The following CTNNA2 variants were observed in gnomAD, a reference collection of about 807,000 sequenced individuals.
CTNNA2 encodes the protein catenin alpha-2.
CTNNA2 carries 42 observed loss-of-function variants against 101.0 expected under a neutral mutation model. The ratio of observed to expected loss-of-function variants is 0.42; its 90% confidence interval spans 0.32 to 0.54. The LOEUF is 0.54. CTNNA2 is among the 20% of genes least tolerant of loss of function. The pLI, the probability that CTNNA2 is intolerant of heterozygous loss-of-function variation, is 0.14. For synonymous variants in CTNNA2, 450 were observed against 456.4 expected (o/e 0.99, Z 0.18); for missense variants, 871 against 1,223.1 (o/e 0.71, Z 4.29).
chr2:79,953,771 A>G (rs1247716178), intron 7 of CTNNA2, among the ~76,000 whole-genome samples: 1 of 152,148 alleles, frequency 6.6e-6, no homozygotes, highest in Non-Finnish European at 1.5e-5. Context: ...ATTTGGTAAC[A>G]TTGCTGGATA....
intron 1 of CTNNA2, among the ~76,000 whole-genome samples, chr2:79,566,097 A>C (rs1675096903): frequency 6.6e-6 from 1 of 152,098 alleles, no homozygotes; most frequent in African/African-American, 2.4e-5. Flanking sequence ...AATACAGAAG[A>C]AGCAAGCAGG....
At chr2:80,100,758 G>A (rs978851210) in intron 7 of CTNNA2, among the ~76,000 whole-genome samples, 2 of 152,172 alleles carry the variant, frequency 1.3e-5, no homozygotes, top group African/African-American at 2.4e-5. Context: ...TGAATCTCTT[G>A]TATCAAGTGG....
At chr2:80,094,187 G>A (rs560444585) in intron 7 of CTNNA2, among the ~76,000 whole-genome samples, 213 of 152,210 alleles carry the variant, frequency 1.4e-3, no homozygotes, top group Non-Finnish European at 2.5e-3. Flanking sequence ...TTTGTATAAG[G>A]TATAAGGAAG....
intron 8 of CTNNA2, among the ~76,000 whole-genome samples, chr2:80,396,426 G>C (rs1186153860): frequency 6.6e-6 from 1 of 152,160 alleles, no homozygotes; most frequent in South Asian, 2.1e-4. Context: ...AGCAGGCCCT[G>C]TGTCTGAGCT....
At chr2:80,441,096 A>T (rs72914947) in intron 9 of CTNNA2, among the ~76,000 whole-genome samples, 3,098 of 152,306 alleles carry the variant, frequency 0.02, 122 homozygotes, top group African/African-American at 0.07. Context: ...ACATCCATGG[A>T]CTAAAGAAAG....
intron 2 of CTNNA2, among the ~76,000 whole-genome samples, chr2:79,743,246 T>A (rs1671419028): frequency 6.6e-6 from 1 of 152,168 alleles, no homozygotes; most frequent in South Asian, 2.1e-4. Flanking sequence ...TTGCATTCAT[T>A]TCCCCTCCAA....
chr2:79,590,412 C>T (rs1322452878), intron 1 of CTNNA2, among the ~76,000 whole-genome samples: 1 of 152,018 alleles, frequency 6.6e-6, no homozygotes, highest in African/African-American at 2.4e-5. Flanking sequence ...TATAGAATAT[C>T]TTCAGATAGT....
At chr2:80,197,881 G>T (rs1485013507) in intron 7 of CTNNA2, among the ~76,000 whole-genome samples, 1 of 152,138 alleles carries the variant, frequency 6.6e-6, no homozygotes, top group Non-Finnish European at 1.5e-5. Flanking sequence ...TTGAGTGGTA[G>T]CTACTACCTA....
At chr2:80,011,301 T>G (rs1029030621) in intron 7 of CTNNA2, among the ~76,000 whole-genome samples, 2 of 152,220 alleles carry the variant, frequency 1.3e-5, no homozygotes, top group Non-Finnish European at 2.9e-5. Context: ...TATGTTATTC[T>G]TTTTCAAGCC....
At chr2:79,214,837 G>A (rs529742361) in intron 2 of CTNNA2, among the ~76,000 whole-genome samples, 30 of 152,038 alleles carry the variant, frequency 2.0e-4, no homozygotes, top group Non-Finnish European at 3.5e-4. Context: ...GTGCATAAAA[G>A]TATTGTCTAA....
chr2:80,269,095 T>C (rs963129523), intron 7 of CTNNA2, among the ~76,000 whole-genome samples: 1 of 152,244 alleles, frequency 6.6e-6, no homozygotes, highest in Non-Finnish European at 1.5e-5. Flanking sequence ...TATCATCCCA[T>C]TTGTTGTGTT....
intron 3 of CTNNA2, among the ~76,000 whole-genome samples, chr2:79,750,584 C>G (rs12998564): frequency 1.4e-4 from 22 of 152,138 alleles, no homozygotes; most frequent in Non-Finnish European, 2.4e-4. Flanking sequence ...AGGTAAGGGC[C>G]GGGCGTGGCG....
intron 9 of CTNNA2, among the ~76,000 whole-genome samples, chr2:80,535,406 TTTGTC>T (rs1293591021): frequency 4.6e-5 from 7 of 152,186 alleles, no homozygotes; most frequent in African/African-American, 1.7e-4. Context: ...GGCGGTAACA[TTTGTC>T]AAGTCATTAC....
intron 3 of CTNNA2, among the ~76,000 whole-genome samples, chr2:79,780,566 TACA>T (rs1674345897): frequency 6.6e-6 from 1 of 152,166 alleles, no homozygotes; most frequent in African/African-American, 2.4e-5. Flanking sequence ...ACACATTACA[TACA>T]ACTTCAGTTT....
intron 7 of CTNNA2, among the ~76,000 whole-genome samples, chr2:80,153,929 C>T (rs530608200): frequency 6.6e-6 from 1 of 152,282 alleles, no homozygotes; most frequent in Admixed American, 6.5e-5. Flanking sequence ...CCTGACTCAC[C>T]ACTTCCAAAC....
intron 3 of CTNNA2, among the ~76,000 whole-genome samples, chr2:79,352,387 A>C (rs1487531592): frequency 3.3e-5 from 5 of 152,136 alleles, no homozygotes; most frequent in Non-Finnish European, 5.9e-5. Flanking sequence ...TCTTCAAAAT[A>C]GTCTCTGAAG....
intron 2 of CTNNA2, among the ~76,000 whole-genome samples, chr2:79,669,172 A>C (rs1682651349): frequency 1.3e-5 from 2 of 152,208 alleles, no homozygotes; most frequent in Non-Finnish European, 2.9e-5. Context: ...TTTAAGGGCC[A>C]TGAAACCGGT....
intron 1 of CTNNA2, among the ~76,000 whole-genome samples, chr2:79,190,272 T>C (rs750092831): frequency 1.4e-4 from 22 of 152,082 alleles, no homozygotes; most frequent in Non-Finnish European, 2.6e-4. Flanking sequence ...CCTTTTAATT[T>C]AGGAGTTGGC....
At chr2:79,862,051 G>C (rs769778272) in intron 4 of CTNNA2, among the ~76,000 whole-genome samples, 30 of 152,108 alleles carry the variant, frequency 2.0e-4, no homozygotes, top group Non-Finnish European at 3.5e-4. Flanking sequence ...TATTCCCTAG[G>C]CTCTGAACTA....
Sources: allele counts gnomAD v4.1 joint callset (sites outside exome capture counted in the v4.1 genomes callset), GRCh38; gene constraint gnomAD v4.1.1; transcripts MANE v1.5; gene names NCBI Gene and HGNC (gene_info 2026-07-23, HGNC 2026-07-21).